Variants in UBP1 observed in about 807,000 individuals in gnomAD.
The protein encoded by UBP1 is upstream-binding protein 1.
A neutral mutation model predicts 76.1 loss-of-function variants in UBP1; 22 were observed. The observed-to-expected ratio is 0.29, with a 90% confidence interval of 0.21 to 0.41. The LOEUF (loss-of-function observed/expected upper bound fraction) is 0.41. UBP1 is among the 10% of genes least tolerant of loss of function. The pLI is 1.00. For missense variants in UBP1, 436 were observed against 668.1 expected (o/e 0.65, Z 3.83); for synonymous variants, 224 against 237.1 (o/e 0.94, Z 0.51).
chr3:33,414,687 T>G (rs1464233161), intron 3 of UBP1, among the ~76,000 whole-genome samples: 4 of 152,200 alleles, frequency 2.6e-5, no homozygotes, highest in African/African-American at 9.7e-5. Context: ...CAGTCTTTGG[T>G]AGTAGCAGAC....
At position 33,420,620 on chromosome 3, in the gene UBP1, C is replaced by G. The variant is rs912063276; in HGVS notation, c.266-3786G>C. On this transcript the variant is annotated intron_variant, in intron 2 of 15. Transcript: ENST00000283629. ...TCTCCTGCCTCAGCCTCCTGAGTAG[C>G]TGGGACTACAGGCACATGCCAGTAC... is the stretch of plus-strand genomic sequence containing the variant. Among the ~76,000 whole-genome samples, 5 of 151,964 alleles carry G rather than the reference C, an allele frequency of 3.3e-5. 1 individual carries two copies. The highest frequency in any genetic ancestry group is 6.6e-5 in the Admixed American group (1 of 15,234).
intron 1 of UBP1, among the ~76,000 whole-genome samples, chr3:33,428,753 T>C (rs1312132796): frequency 1.3e-5 from 2 of 150,970 alleles, no homozygotes; most frequent in African/African-American, 2.4e-5. Flanking sequence ...TTCAATTCTC[T>C]GAATCCTTAC....
At chr3:33,394,655 A>G (rs994023181) in intron 13 of UBP1, among the ~76,000 whole-genome samples, 3 of 152,156 alleles carry the variant, frequency 2.0e-5, no homozygotes, top group African/African-American at 7.2e-5. Flanking sequence ...ATCATTACTG[A>G]GAACTTTGCT....
intron 2 of UBP1, among the ~76,000 whole-genome samples, chr3:33,419,164 G>T (rs1450124248): frequency 6.6e-6 from 1 of 152,146 alleles, no homozygotes; most frequent in Admixed American, 6.5e-5. Flanking sequence ...ACCATTTCCT[G>T]ACCTCAAAGA....
chr3:33,390,283 T>C lies in UBP1; in HGVS notation c.*48A>G, dbSNP rs1456085520. The C allele has an allele frequency of 2.5e-6, 4 of 1,577,466 alleles. No homozygotes were observed. Among genetic ancestry groups the C allele is most frequent in the Non-Finnish European group, 3.5e-6 (4 of 1,149,946 alleles). On this transcript the variant is annotated 3_prime_UTR_variant, in exon 16 of 16. Coordinates refer to ENST00000283629, the MANE Select transcript of UBP1 (RefSeq NM_014517.5). The stretch of plus-strand genomic sequence containing the variant: ...TCTTGGATTCAGTCTTCACACACTT[T>C]TAAGCGTGACTATTTGGTACTGAAT...
intron 8 of UBP1, chr3:33,403,755 T>C (rs906257490): frequency 6.6e-6 from 1 of 152,224 alleles, no homozygotes; most frequent in African/African-American, 2.4e-5. Context: ...AAAAGCATGC[T>C]AAGCATGCCA....
chr3:33,397,290 C>T (rs570263413), intron 11 of UBP1, 155 bp from the exon 12 acceptor site: 3 of 524,370 alleles, frequency 5.7e-6, no homozygotes, highest in South Asian at 3.5e-5. Context: ...CAAACAGACA[C>T]CTGTCCTTCA....
Position 33,404,544 on chromosome 3 carries a change from G to C in UBP1, c.928-1640C>G, listed in dbSNP as rs187083551. Among the ~76,000 whole-genome samples the C allele has an allele frequency of 4.6e-5, 7 of 151,630 alleles. No individual in the cohort carries two copies. In the East Asian group the frequency reaches 1.4e-3, roughly 30 times the overall value. On this transcript the variant is annotated intron_variant, in intron 8 of 15. Transcript: ENST00000283629. ...CACCTGTAGTCACAGCTACTTGGGAGTCTGAGACAGGAGAATTGCTTGAAT... is the reference window on the plus strand; with the variant it reads ...CACCTGTAGTCACAGCTACTTGGGACTCTGAGACAGGAGAATTGCTTGAAT...
Position 33,439,832 on chromosome 3 carries a change from T to C in UBP1, c.17A>G (p.Lys6Arg). MAWVL[K>R]MDEVIESGLV... is the part of the protein sequence containing the mutation. ...CCCGGACTCGATCACCTCGTCCATC[T>C]TGAGCACCCAGGCCATCTTCCGGCC... The change falls in exon 1 of 16, where the codon AAG becomes AGG. Residue 6 changes from lysine (K) to arginine (R), a missense_variant. Coordinates refer to ENST00000283629, the MANE Select transcript of UBP1 (RefSeq NM_014517.5). The C allele has an allele frequency of 3.7e-6, 6 of 1,612,188 alleles. No individual in the cohort carries two copies. The highest frequency in any genetic ancestry group is 5.1e-6 in the Non-Finnish European group (6 of 1,179,482).
At chr3:33,424,174 A>C (rs1456795617) in intron 2 of UBP1, among the ~76,000 whole-genome samples, 4 of 152,242 alleles carry the variant, frequency 2.6e-5, no homozygotes, top group East Asian at 3.8e-4. Flanking sequence ...TTACCAAATA[A>C]GTTATTAAGG....
At chr3:33,420,482 T>C (rs984118919) in intron 2 of UBP1, among the ~76,000 whole-genome samples, 3 of 147,824 alleles carry the variant, frequency 2.0e-5, no homozygotes, top group Admixed American at 1.4e-4. Context: ...TGTGCCACCA[T>C]ACTGGCTTTT....
At chr3:33,392,797 G>A (rs973317963) in intron 14 of UBP1, 183 bp from the exon 15 acceptor site, 1 of 565,884 alleles carries the variant, frequency 1.8e-6, no homozygotes, top group African/African-American at 1.9e-5. Flanking sequence ...TGTTCACTAT[G>A]CCTGTCCATA....
intron 1 of UBP1, 103 bp downstream of exon 1, chr3:33,439,633 G>T: frequency 7.7e-7 from 1 of 1,297,200 alleles, no homozygotes; most frequent in Non-Finnish European, 1.1e-6. Flanking sequence ...CAGCCCAGGA[G>T]GCCCGCGCAC....
chr3:33,412,799 C>G lies in UBP1; in HGVS notation c.371G>C (p.Arg124Thr). 6.2e-7 allele frequency: 1 copy of G among 1,613,952 alleles called. No homozygotes were observed. Among genetic ancestry groups the G allele is most frequent in the Non-Finnish European group, 8.5e-7 (1 of 1,179,860 alleles). Residue 124 changes from arginine (R) to threonine (T), a missense_variant, in exon 4 of 16, where the codon AGA becomes ACA. Physicochemically the swap from Arg to Thr is moderately conservative, Grantham distance 71 (BLOSUM62 -1). Transcript: ENST00000283629. ...CTGATGCTCTGTGTATTGTAGCCGT[C>G]TGTCATGGAATACAACCCTTATGAT... ...KSIIRVVFHD[R>T]RLQYTEHQQL...
At chr3:33,414,828 C>T (rs925962459) in intron 3 of UBP1, among the ~76,000 whole-genome samples, 1 of 152,070 alleles carries the variant, frequency 6.6e-6, no homozygotes, top group Non-Finnish European at 1.5e-5. Context: ...GAACCCTTTT[C>T]AATCAGTGGG....
chr3:33,413,430 C>A (rs1285182460), intron 3 of UBP1, among the ~76,000 whole-genome samples: 1 of 151,580 alleles, frequency 6.6e-6, no homozygotes, highest in African/African-American at 2.4e-5. Flanking sequence ...GCCTGTAGTA[C>A]CAGCTACTTG....
At chr3:33,400,860 G>A in intron 10 of UBP1, 102 bp downstream of exon 10, 1 of 1,123,956 alleles carries the variant, frequency 8.9e-7, no homozygotes, top group South Asian at 1.4e-5. Flanking sequence ...TACCATACAT[G>A]TAACAAAACT....
intron 15 of UBP1, 116 bp downstream of exon 15, chr3:33,392,444 TTTC>T: frequency 2.3e-6 from 2 of 863,388 alleles, no homozygotes; most frequent in South Asian, 2.1e-5. Flanking sequence ...TTTATCAAAC[TTTC>T]TTCTTAAAAT....
intron 1 of UBP1, among the ~76,000 whole-genome samples, chr3:33,437,031 C>T (rs910313890): frequency 6.6e-6 from 1 of 152,250 alleles, no homozygotes; most frequent in Non-Finnish European, 1.5e-5. Flanking sequence ...GAATCTGCTG[C>T]AGTTCACATC....
Sources: allele counts gnomAD v4.1 joint callset (sites outside exome capture counted in the v4.1 genomes callset), GRCh38; gene constraint gnomAD v4.1.1; transcripts MANE v1.5; gene names NCBI Gene and HGNC (gene_info 2026-07-23, HGNC 2026-07-21).